The following RAB31 variants were observed in gnomAD, a reference collection of about 807,000 sequenced individuals.
RAB31 encodes RAB31, member RAS oncogene family, also known as ras-related protein Rab-31.
In RAB31, 21 loss-of-function variants were observed where a neutral mutation model predicts 25.6. The observed-to-expected ratio is 0.82, with a 90% CI of 0.58 to 1.18. The LOEUF (loss-of-function observed/expected upper bound fraction) is 1.18, where lower values mean the gene tolerates loss of function less well. Ranked by LOEUF, RAB31 falls within the 50% of genes most tolerant of loss-of-function variation. The pLI is 0.00. For missense variants in RAB31, 196 were observed against 250.1 expected (o/e 0.78, Z 1.46); for synonymous variants, 87 against 84.0 (o/e 1.04, Z -0.20).
At chr18:9,812,120 A>G (rs1326909312) in intron 3 of RAB31, among the ~76,000 whole-genome samples, 1 of 152,164 alleles carries the variant, frequency 6.6e-6, no homozygotes, top group Non-Finnish European at 1.5e-5. Flanking sequence ...TTCTCTCCTT[A>G]TAAGGGACTA....
Position 9,786,937 on chromosome 18 carries a change from T to C in RAB31, c.120-5217T>C, listed in dbSNP as rs189255319. ...ACTACTTTGAGTCTCAGTGGAGAAG[T>C]GATGAAAGCAGTTACAAGAGTGCCT... On this transcript the variant is annotated intron_variant, in intron 2 of 6. Coordinates refer to ENST00000578921, the MANE Select transcript of RAB31 (RefSeq NM_006868.4). The C allele has an allele frequency of 2.6e-5, 4 of 153,466 alleles. No homozygotes were observed. The East Asian group carries it at 7.7e-4, about 30-fold the overall frequency. 9.5% of individuals were successfully genotyped at this position (153,466 alleles called of 1,614,324 possible).
chr18:9,800,072 G>A (rs2143045978), intron 3 of RAB31, among the ~76,000 whole-genome samples: 1 of 152,336 alleles, frequency 6.6e-6, no homozygotes, highest in Middle Eastern at 3.4e-3. Context: ...CATGCCTAGA[G>A]CGGTCCATAG....
At chr18:9,818,745 T>C (rs1020336582) in intron 5 of RAB31, among the ~76,000 whole-genome samples, 1 of 152,214 alleles carries the variant, frequency 6.6e-6, no homozygotes, top group South Asian at 2.1e-4. Context: ...TGTAATAATT[T>C]TGGGAACTCA....
chr18:9,776,538 T>A (rs555732219), intron 2 of RAB31, among the ~76,000 whole-genome samples: 1 of 152,262 alleles, frequency 6.6e-6, no homozygotes, highest in Admixed American at 6.5e-5. Context: ...CATGAAAATA[T>A]CAAGAATTAG....
intron 6 of RAB31, among the ~76,000 whole-genome samples, chr18:9,851,885 A>G (rs915147395): frequency 6.6e-6 from 1 of 150,496 alleles, no homozygotes; most frequent in Admixed American, 6.6e-5. Flanking sequence ...TTTCAATATC[A>G]TATTTCATAT....
At chr18:9,793,489 T>G (rs532926297) in intron 3 of RAB31, among the ~76,000 whole-genome samples, 1 of 151,984 alleles carries the variant, frequency 6.6e-6, no homozygotes, top group Non-Finnish European at 1.5e-5. Flanking sequence ...AGTGAAACCC[T>G]GTCTCTACTA....
intron 5 of RAB31, among the ~76,000 whole-genome samples, chr18:9,843,129 GAGGCATCCTTGCTTGCC>G (rs1209832361): frequency 6.6e-6 from 1 of 152,176 alleles, no homozygotes; most frequent in Non-Finnish European, 1.5e-5. Context: ...TGCGGGCCCA[GAGGCATCCTTGCTTGCC>G]AGGTGCTCCT....
intron 5 of RAB31, among the ~76,000 whole-genome samples, chr18:9,831,324 C>T (rs777730692): frequency 5.3e-5 from 8 of 152,190 alleles, no homozygotes; most frequent in Non-Finnish European, 1.0e-4. Flanking sequence ...GCTCCCCTGT[C>T]CCTTTGACAT....
At chr18:9,817,323 G>A (rs577265708) in intron 5 of RAB31, among the ~76,000 whole-genome samples, 2 of 152,252 alleles carry the variant, frequency 1.3e-5, no homozygotes, top group East Asian at 1.9e-4. Flanking sequence ...AACTTGAATG[G>A]TATCACTTAG....
intron 3 of RAB31, among the ~76,000 whole-genome samples, chr18:9,804,921 C>T (rs1404065653): frequency 6.6e-6 from 1 of 152,168 alleles, no homozygotes; most frequent in African/African-American, 2.4e-5. Flanking sequence ...GCCACACGCT[C>T]AGTGGCTTAA....
chr18:9,743,560 C>T lies in RAB31; in HGVS notation c.40-31718C>T, dbSNP rs145985590. Among the ~76,000 whole-genome samples the T allele has an allele frequency of 5.2e-3, 789 of 152,294 alleles. 12 individuals carry two copies. The highest frequency in any genetic ancestry group is 4.9e-3 in the Non-Finnish European group (332 of 68,012). On this transcript the variant is annotated intron_variant, in intron 1 of 6. Transcript: ENST00000578921. ...GCTCCCAGATGGACATGGAGTTGGG[C>T]GCTGGGTGGGTTTGGGAAAGCTCCT...
At chr18:9,795,918 T>C (rs2068484848) in intron 3 of RAB31, among the ~76,000 whole-genome samples, 1 of 152,184 alleles carries the variant, frequency 6.6e-6, no homozygotes, top group African/African-American at 2.4e-5. Context: ...ACAGAAAAGA[T>C]ACTTGCACAC....
intron 2 of RAB31, among the ~76,000 whole-genome samples, chr18:9,778,425 G>T (rs890422268): frequency 1.3e-5 from 2 of 152,070 alleles, no homozygotes; most frequent in African/African-American, 4.8e-5. Flanking sequence ...GGGGATTAAG[G>T]GTGCTGAGCC....
chr18:9,761,589 C>T (rs2068288961), intron 1 of RAB31, among the ~76,000 whole-genome samples: 1 of 152,158 alleles, frequency 6.6e-6, no homozygotes, highest in Admixed American at 6.5e-5. Flanking sequence ...GCTGGGCCTG[C>T]AGTCATCTCA....
chr18:9,732,817 C>A (rs2068130320), intron 1 of RAB31, among the ~76,000 whole-genome samples: 1 of 152,220 alleles, frequency 6.6e-6, no homozygotes, highest in Admixed American at 6.5e-5. Flanking sequence ...TGTAAACACA[C>A]AAGAGTTTTG....
chr18:9,772,386 T>C (rs1311524578), intron 1 of RAB31, among the ~76,000 whole-genome samples: 4 of 152,086 alleles, frequency 2.6e-5, no homozygotes, highest in Non-Finnish European at 4.4e-5. Flanking sequence ...AAGGAGCAAA[T>C]CGAGGAGTTG....
At chr18:9,718,336 T>C (rs964002676) in intron 1 of RAB31, among the ~76,000 whole-genome samples, 21 of 152,296 alleles carry the variant, frequency 1.4e-4, no homozygotes, top group African/African-American at 5.1e-4. Flanking sequence ...CTCGACTCAC[T>C]GCAGCCTCTG....
At chr18:9,816,385 G>C (rs1185448697) in intron 5 of RAB31, among the ~76,000 whole-genome samples, 1 of 152,200 alleles carries the variant, frequency 6.6e-6, no homozygotes, top group Non-Finnish European at 1.5e-5. Context: ...CTTTGGGCTA[G>C]ATGGTTTTGT....
At chr18:9,811,164 C>G (rs1483959146) in intron 3 of RAB31, among the ~76,000 whole-genome samples, 4 of 152,186 alleles carry the variant, frequency 2.6e-5, no homozygotes, top group Non-Finnish European at 4.4e-5. Context: ...GTGGCGCCGG[C>G]CCTTCAGCAT....
Sources: gnomAD v4.1 joint callset for allele counts (sites outside exome capture counted in the v4.1 genomes callset) on GRCh38, gnomAD v4.1.1 for gene constraint, MANE v1.5 for transcripts, NCBI Gene and HGNC (gene_info 2026-07-23, HGNC 2026-07-21) for gene names.